The following CREB3L2 variants were observed in gnomAD, a reference collection of about 807,000 sequenced individuals.
CREB3L2 encodes the protein cyclic AMP-responsive element-binding protein 3-like protein 2.
Under a neutral mutation model 57.2 loss-of-function variants are expected in CREB3L2, and 23 were observed. The ratio of observed to expected loss-of-function variants is 0.40; its 90% CI spans 0.29 to 0.57. The LOEUF (loss-of-function observed/expected upper bound fraction) is 0.57, where lower values mean the gene tolerates loss of function less well. Among genes scored for constraint, CREB3L2 ranks in the 20% least tolerant of loss-of-function variants. CREB3L2 has a pLI of 0.42. For synonymous variants in CREB3L2, 268 were observed against 265.1 expected (o/e 1.01, Z -0.11); for missense variants, 628 against 634.7 (o/e 0.99, Z 0.11).
chr7:137,930,512 G>A (rs945531165), intron 1 of CREB3L2, among the ~76,000 whole-genome samples: 6 of 152,220 alleles, frequency 3.9e-5, no homozygotes, highest in South Asian at 2.1e-4. Flanking sequence ...TAGAGCTGGC[G>A]CTCTAAGATC....
chr7:138,001,655 C>G lies in CREB3L2; in HGVS notation c.51G>C (p.Lys17Asn), dbSNP rs757764959. 6.2e-7 allele frequency: 1 copy of G among 1,613,428 alleles called. No homozygotes were observed. Among genetic ancestry groups the G allele is most frequent in the Non-Finnish European group, 8.5e-7 (1 of 1,179,838 alleles). ...CCCCGGGCTCTGACAGCTCGCTCAG[C>G]TTGCGGTCCCACTGCAGCACGCCCT... ...GEQGVLQWDR[K>N]LSELSEPGDG... Residue 17 changes from lysine to asparagine, a missense_variant, in exon 1 of 12, where the codon AAG (lysine) becomes AAC (asparagine). Physicochemically the swap from Lys to Asn is moderately conservative, Grantham distance 94 (BLOSUM62 0). This residue lies in a region of CREB3L2 where 339 missense variants were observed against 355.4 expected (regional missense o/e 0.95). Transcript: ENST00000330387. The surrounding 1 kb of genome is among the most constrained non-coding windows in gnomAD (Gnocchi z 4.2).
chr7:137,903,001 G>T (rs905894791), intron 7 of CREB3L2, among the ~76,000 whole-genome samples: 5 of 151,768 alleles, frequency 3.3e-5, no homozygotes, highest in African/African-American at 1.2e-4. Context: ...TTATTTTTTA[G>T]GGGGTCTGGC....
intron 1 of CREB3L2, among the ~76,000 whole-genome samples, chr7:137,946,938 A>ATATATATAGT (rs1801004751): frequency 9.6e-6 from 1 of 104,160 alleles, no homozygotes; most frequent in Non-Finnish European, 1.8e-5. Context: ...ATATATAGTT[A>ATATATATAGT]TATATATAGT....
intron 1 of CREB3L2, among the ~76,000 whole-genome samples, chr7:137,929,093 A>T (rs1451319097): frequency 2.0e-5 from 3 of 152,160 alleles, no homozygotes; most frequent in Non-Finnish European, 4.4e-5. Flanking sequence ...CATGGGCTAG[A>T]CTTTGTTCCT....
At chr7:137,946,338 G>C (rs1800974562) in intron 1 of CREB3L2, among the ~76,000 whole-genome samples, 1 of 150,562 alleles carries the variant, frequency 6.6e-6, no homozygotes, top group Non-Finnish European at 1.5e-5. Flanking sequence ...CTAATAAGGT[G>C]ATCCCTTTAA....
At chr7:137,928,941 G>A (rs1800545115) in intron 1 of CREB3L2, among the ~76,000 whole-genome samples, 1 of 152,026 alleles carries the variant, frequency 6.6e-6, no homozygotes, top group Non-Finnish European at 1.5e-5. Flanking sequence ...ATTCACTGGG[G>A]GTCCTTGCTA....
chr7:137,916,794 G>A (rs1423119909), intron 2 of CREB3L2, among the ~76,000 whole-genome samples: 3 of 151,888 alleles, frequency 2.0e-5, no homozygotes, highest in Non-Finnish European at 2.9e-5. Flanking sequence ...GAGTGAGAGC[G>A]AGAGCGAGAG....
chr7:137,885,520 A>C lies in CREB3L2; in HGVS notation c.1044-18T>G. 5 of 1,580,500 alleles carry C rather than the reference A, an allele frequency of 3.2e-6. No homozygotes were observed. The South Asian group carries it at 5.5e-5, about 17-fold the overall frequency. On this transcript the variant is annotated intron_variant, in intron 8 of 11. Transcript: ENST00000330387. ...GGAGAGTCCTGCCAATGATAACAAC[A>C]GCCGTGAGGGGAGTCTGACAGAGAA...
At chr7:137,950,052 A>T (rs1023896802) in intron 1 of CREB3L2, among the ~76,000 whole-genome samples, 1 of 152,230 alleles carries the variant, frequency 6.6e-6, no homozygotes, top group Non-Finnish European at 1.5e-5. Flanking sequence ...ACCAATGAGA[A>T]AATGCAAGCT....
intron 1 of CREB3L2, among the ~76,000 whole-genome samples, chr7:137,934,209 A>G (rs1291243862): frequency 1.3e-5 from 2 of 152,216 alleles, no homozygotes. Flanking sequence ...TCTGTCCCCT[A>G]CTGAGAGACC....
chr7:137,997,393 C>T (rs940430467), intron 1 of CREB3L2, among the ~76,000 whole-genome samples: 2 of 152,120 alleles, frequency 1.3e-5, no homozygotes, highest in African/African-American at 4.8e-5. Flanking sequence ...ATATAAAATA[C>T]ATTTTAAAAT....
chr7:137,989,552 C>T (rs1051680810), intron 1 of CREB3L2, among the ~76,000 whole-genome samples: 2 of 151,488 alleles, frequency 1.3e-5, no homozygotes, highest in East Asian at 3.9e-4. Context: ...ACTCCTCCCT[C>T]TCACTCTAAC....
chr7:137,885,326 C>T, intron 9 of CREB3L2, 77 bp downstream of exon 9: 1 of 1,349,820 alleles, frequency 7.4e-7, no homozygotes, highest in Non-Finnish European at 1.0e-6. Context: ...CAGCACTTGG[C>T]CTTGGCAAGT....
Position 137,875,597 on chromosome 7 carries a change from C to A in CREB3L2, c.*4879G>T. 4.4e-6 allele frequency: 1 copy of A among 224,794 alleles called. No individual in the cohort carries two copies. 13.9% of individuals were successfully genotyped at this position (224,794 alleles called of 1,614,324 possible). On this transcript the variant is annotated 3_prime_UTR_variant, in exon 12 of 12. Transcript: ENST00000330387. ...ACGAAGGGAAGCGATGAGCATCACA[C>A]AGCAGGGCCATTGCAGGGGACAGGT... is the stretch of plus-strand genomic sequence containing the variant.
intron 1 of CREB3L2, among the ~76,000 whole-genome samples, chr7:137,974,005 T>C (rs1201032107): frequency 6.6e-6 from 1 of 151,338 alleles, no homozygotes; most frequent in Non-Finnish European, 1.5e-5. Flanking sequence ...GAGGCAGAAA[T>C]ATCCATATTA....
intron 8 of CREB3L2, among the ~76,000 whole-genome samples, chr7:137,892,869 A>C (rs1012204230): frequency 4.6e-5 from 7 of 152,008 alleles, no homozygotes; most frequent in African/African-American, 1.7e-4. Flanking sequence ...GGCGGGATAC[A>C]ATGTTAATAA....
chr7:137,959,115 G>A (rs1002779387), intron 1 of CREB3L2, among the ~76,000 whole-genome samples: 1 of 152,214 alleles, frequency 6.6e-6, no homozygotes, highest in South Asian at 2.1e-4. Flanking sequence ...ACCTAAGGAG[G>A]ATTGTGAAAA....
At chr7:137,994,567 C>A (rs1452692080) in intron 1 of CREB3L2, among the ~76,000 whole-genome samples, 6 of 152,172 alleles carry the variant, frequency 3.9e-5, no homozygotes, top group Admixed American at 6.5e-5. Context: ...CCCTCCCTAG[C>A]CTTTCCCTGC....
At chr7:137,899,883 A>T (rs998234186) in intron 8 of CREB3L2, among the ~76,000 whole-genome samples, 1 of 152,320 alleles carries the variant, frequency 6.6e-6, no homozygotes, top group South Asian at 2.1e-4. Flanking sequence ...TTCATTTGTT[A>T]TTATCAAATA....
Sources: allele counts gnomAD v4.1 joint callset (sites outside exome capture counted in the v4.1 genomes callset), GRCh38; gene constraint gnomAD v4.1.1; regional missense constraint gnomAD v4.1.1; non-coding constraint Gnocchi (gnomAD v3.1); transcripts MANE v1.5; gene names NCBI Gene and HGNC (gene_info 2026-07-23, HGNC 2026-07-21).